Variants in MYH10 observed in about 807,000 individuals in gnomAD.
MYH10 encodes myosin heavy chain 10, also known as myosin-10.
Under a neutral mutation model 257.8 loss-of-function variants are expected in MYH10, and 55 were observed. The ratio of observed to expected loss-of-function variants is 0.21; its 90% confidence interval spans 0.17 to 0.27. The LOEUF (loss-of-function observed/expected upper bound fraction) is 0.27. MYH10 is among the 10% of genes least tolerant of loss of function. MYH10 has a pLI of 1.00. For missense variants in MYH10, 1,631 were observed against 2,500.6 expected (o/e 0.65, Z 7.42); for synonymous variants, 854 against 921.7 (o/e 0.93, Z 1.33).
intron 35 of MYH10, among the ~76,000 whole-genome samples, chr17:8,487,914 G>GTAAT (rs1915145098): frequency 6.6e-6 from 1 of 152,184 alleles, no homozygotes; most frequent in African/African-American, 2.4e-5. Context: ...CGGTAACCAT[G>GTAAT]TAATAAAGGC....
intron 23 of MYH10, 47 bp from the exon 24 acceptor site, chr17:8,512,704 A>AGAATCTCTTCTAATTCCTG: frequency 6.7e-7 from 1 of 1,485,094 alleles, no homozygotes. Context: ...TTACATACGT[A>AGAATCTCTTCTAATTCCTG]CACAGTATAT....
intron 30 of MYH10, among the ~76,000 whole-genome samples, chr17:8,498,712 G>A (rs1480237179): frequency 6.6e-6 from 1 of 152,086 alleles, no homozygotes; most frequent in Non-Finnish European, 1.5e-5. Flanking sequence ...GCCGGACATG[G>A]TGGCGGGTGC....
chr17:8,579,112 C>A (rs1035639738), intron 4 of MYH10, among the ~76,000 whole-genome samples: 1 of 151,360 alleles, frequency 6.6e-6, no homozygotes, highest in African/African-American at 2.4e-5. Flanking sequence ...CCCACATCTA[C>A]AAAAAAAACA....
chr17:8,561,563 C>G (rs1845329018), intron 7 of MYH10: 2 of 961,648 alleles, frequency 2.1e-6, no homozygotes, highest in Non-Finnish European at 3.3e-6. Flanking sequence ...TGTCTCCCAC[C>G]AAAGCCCATG....
At chr17:8,586,571 G>C (rs1410344769) in intron 4 of MYH10, among the ~76,000 whole-genome samples, 1 of 152,132 alleles carries the variant, frequency 6.6e-6, no homozygotes, top group African/African-American at 2.4e-5. Context: ...AAACAAACAT[G>C]GTACTTGATG....
At chr17:8,561,165 A>C in intron 7 of MYH10, 1 of 651,544 alleles carries the variant, frequency 1.5e-6, no homozygotes. Context: ...TAACAAAAAC[A>C]AACAAAGGAG....
chr17:8,598,908 T>C (rs977255707), intron 3 of MYH10, among the ~76,000 whole-genome samples: 4 of 152,176 alleles, frequency 2.6e-5, no homozygotes, highest in South Asian at 2.1e-4. Context: ...GGGTTCACCA[T>C]GTTGCCCAGG....
intron 30 of MYH10, 121 bp from the exon 31 acceptor site, chr17:8,495,362 ATTCAG>A: frequency 3.1e-6 from 2 of 650,082 alleles, no homozygotes; most frequent in Non-Finnish European, 5.4e-6. Flanking sequence ...GAAACTACCC[ATTCAG>A]TTAAGGAAGA....
At chr17:8,578,712 T>C (rs2083591957) in intron 4 of MYH10, among the ~76,000 whole-genome samples, 1 of 152,156 alleles carries the variant, frequency 6.6e-6, no homozygotes, top group Non-Finnish European at 1.5e-5. Context: ...GACAAGCTGC[T>C]ACACACACAG....
chr17:8,600,857 C>A (rs1421948887), intron 3 of MYH10, among the ~76,000 whole-genome samples: 1 of 152,064 alleles, frequency 6.6e-6, no homozygotes, highest in Non-Finnish European at 1.5e-5. Flanking sequence ...TGGACTCATA[C>A]CCCGTATGTG....
chr17:8,521,677 TA>T (rs2081660593), intron 17 of MYH10, among the ~76,000 whole-genome samples: 1 of 152,206 alleles, frequency 6.6e-6, no homozygotes, highest in Non-Finnish European at 1.5e-5. Flanking sequence ...AAATGGCTCA[TA>T]AAAATATATA....
chr17:8,545,013 C>T lies in MYH10; in HGVS notation c.1431+435G>A, dbSNP rs943044507. On this transcript the variant is annotated intron_variant, in intron 13 of 42. Transcript: ENST00000360416. The surrounding 1 kb of genome is among the most constrained non-coding windows in gnomAD (Gnocchi z 4.7). ...GATGGTCTCTCGACCTGGCCCCATGCTCTTCTCCACGTCTCCAACTCCTCT... is the reference window on the plus strand; with the variant it reads ...GATGGTCTCTCGACCTGGCCCCATGTTCTTCTCCACGTCTCCAACTCCTCT... Among the ~76,000 whole-genome samples the T allele has an allele frequency of 6.6e-6, 1 of 152,230 alleles. No individual in the cohort carries two copies. The highest frequency in any genetic ancestry group is 2.4e-5 in the African/African-American group (1 of 41,464).
rs185961077 is a variant in MYH10, at chr17:8,589,252, T to C, written c.503-144A>G. The stretch of plus-strand genomic sequence containing the variant: ...AGCCAAGTTAATGCCTCCAACCCCA[T>C]TATACAGTCCTAAATCTAATCAAAC... On this transcript the variant is annotated intron_variant, in intron 3 of 42. Coordinates refer to ENST00000360416, the MANE Select transcript of MYH10 (RefSeq NM_001256012.3). 8.4e-3 allele frequency: 6,032 copies of C among 717,920 alleles called. 472 individuals carry two copies. The Admixed American group carries it at 0.14, about 17-fold the overall frequency. The allele number at this position is 717,920 out of a possible 1,614,324, so 44.5% of individuals were successfully genotyped here.
In MYH10 at chr17:8,623,184, G is replaced by A; in HGVS notation, c.63C>T (p.Ile21=). Residue 21 remains isoleucine (I), a synonymous_variant, in exon 2 of 43, where the codon ATC becomes ATT. Transcript: ENST00000360416. ...AATCAGCTTGAGTGGCAGGGTTGTA[G>A]ATGACAGCCCTGTCCACAAAGAGAT... ...ERYLFVDRAV[I]YNPATQADWT... is the part of the protein sequence containing the mutation. 1 of 1,613,318 alleles carries A rather than the reference G, an allele frequency of 6.2e-7. No individual in the cohort carries two copies. Among genetic ancestry groups the A allele is most frequent in the Non-Finnish European group, 8.5e-7 (1 of 1,179,744 alleles).
At position 8,592,458 on chromosome 17, in the gene MYH10, A is replaced by T. The variant is rs548305888; in HGVS notation, c.503-3350T>A. Among the ~76,000 whole-genome samples the T allele has an allele frequency of 5.2e-3, 792 of 152,252 alleles. 5 individuals carry two copies. The highest frequency in any genetic ancestry group is 0.018 in the African/African-American group (752 of 41,576). On this transcript the variant is annotated intron_variant, in intron 3 of 42. Transcript: ENST00000360416. ...CAAACTGCCAATATCTGTAATTTTT[A>T]AAAAGTAGTATGATTAAGAACCCAT...
chr17:8,613,120 A>C (rs1010077297), intron 2 of MYH10, among the ~76,000 whole-genome samples: 1 of 152,206 alleles, frequency 6.6e-6, no homozygotes, highest in African/African-American at 2.4e-5. Flanking sequence ...AGGGAACAAC[A>C]ATCAAACTAC....
intron 34 of MYH10, among the ~76,000 whole-genome samples, chr17:8,491,714 T>A (rs1015833328): frequency 6.6e-6 from 1 of 152,146 alleles, no homozygotes; most frequent in Non-Finnish European, 1.5e-5. Flanking sequence ...TGGGTTTGTT[T>A]TGCTATCTTC....
At chr17:8,580,168 G>A (rs996605413) in intron 4 of MYH10, among the ~76,000 whole-genome samples, 1 of 151,952 alleles carries the variant, frequency 6.6e-6, no homozygotes, top group Non-Finnish European at 1.5e-5. Context: ...CATACCTGTG[G>A]CATACTTCCA....
At chr17:8,595,338 A>C (rs1041965068) in intron 3 of MYH10, among the ~76,000 whole-genome samples, 10 of 150,972 alleles carry the variant, frequency 6.6e-5, no homozygotes, top group Non-Finnish European at 1.5e-4. Flanking sequence ...AATCCCTTCA[A>C]TCTGTGTGCC....
Sources: gnomAD v4.1 joint callset for allele counts (sites outside exome capture counted in the v4.1 genomes callset) on GRCh38, gnomAD v4.1.1 for gene constraint, Gnocchi (gnomAD v3.1) non-coding constraint, MANE v1.5 for transcripts, NCBI Gene and HGNC (gene_info 2026-07-23, HGNC 2026-07-21) for gene names.